TRIM71: variants seen among roughly 807,000 people sequenced by gnomAD.
The protein encoded by TRIM71 is E3 ubiquitin-protein ligase TRIM71.
TRIM71 carries 9 observed loss-of-function variants against 61.2 expected under a neutral mutation model. The ratio of observed to expected loss-of-function variants is 0.15; its 90% CI spans 0.09 to 0.26. The LOEUF (loss-of-function observed/expected upper bound fraction) is 0.26, where lower values mean the gene tolerates loss of function less well. Among genes scored for constraint, TRIM71 ranks in the 10% least tolerant of loss-of-function variants. TRIM71 has a pLI of 1.00. For missense variants in TRIM71, 998 were observed against 1,238.7 expected (o/e 0.81, Z 2.92); for synonymous variants, 645 against 553.2 (o/e 1.17, Z -2.33).
intron 2 of TRIM71, among the ~76,000 whole-genome samples, chr3:32,878,302 A>G (rs1157565840): frequency 1.3e-5 from 2 of 152,210 alleles, no homozygotes; most frequent in Non-Finnish European, 2.9e-5. Context: ...AGGTCTGAAC[A>G]GTGGGTTTAA....
At chr3:32,858,309 G>A (rs574133945) in intron 1 of TRIM71, among the ~76,000 whole-genome samples, 4 of 152,308 alleles carry the variant, frequency 2.6e-5, no homozygotes, top group African/African-American at 9.6e-5. Flanking sequence ...CCTAGACATC[G>A]TGAGCAAACC....
chr3:32,819,892 G>A (rs1234863850), intron 1 of TRIM71, among the ~76,000 whole-genome samples: 1 of 152,226 alleles, frequency 6.6e-6, no homozygotes, highest in African/African-American at 2.4e-5. Flanking sequence ...AGGCTTTTAG[G>A]GCTACATTGC....
chr3:32,825,901 A>G (rs1433615228), intron 1 of TRIM71, among the ~76,000 whole-genome samples: 3 of 152,086 alleles, frequency 2.0e-5, no homozygotes, highest in African/African-American at 4.8e-5. Flanking sequence ...GGTTTTGTCT[A>G]TACTCACAAA....
At chr3:32,851,603 C>T (rs558376941) in intron 1 of TRIM71, among the ~76,000 whole-genome samples, 3 of 152,168 alleles carry the variant, frequency 2.0e-5, no homozygotes, top group East Asian at 1.9e-4. Context: ...CTCAGCCTCC[C>T]GAGTAGCTGG....
At chr3:32,865,374 T>A (rs1467137103) in intron 1 of TRIM71, among the ~76,000 whole-genome samples, 1 of 151,856 alleles carries the variant, frequency 6.6e-6, no homozygotes, top group African/African-American at 2.4e-5. Context: ...AAAAACCCAC[T>A]GTTGCAGCCT....
chr3:32,882,436 T>C (rs972594085), intron 2 of TRIM71, among the ~76,000 whole-genome samples: 1 of 152,168 alleles, frequency 6.6e-6, no homozygotes, highest in Non-Finnish European at 1.5e-5. Context: ...GCTCTAACCC[T>C]GTCACACTCT....
chr3:32,858,446 C>G (rs893615785), intron 1 of TRIM71, among the ~76,000 whole-genome samples: 3 of 152,198 alleles, frequency 2.0e-5, no homozygotes, highest in Non-Finnish European at 4.4e-5. Context: ...ACACAGCACA[C>G]TTGACTATGA....
At chr3:32,832,295 C>A (rs999799691) in intron 1 of TRIM71, among the ~76,000 whole-genome samples, 3 of 152,162 alleles carry the variant, frequency 2.0e-5, no homozygotes, top group Non-Finnish European at 4.4e-5. Context: ...AAGCAAGACC[C>A]TGTCCGTACA....
At position 32,873,771 on chromosome 3, in the gene TRIM71, T is replaced by G. The variant is rs749298705; in HGVS notation, c.853-47T>G. ...CTCCAGTTGCTGTCTTCCCTCCTCC[T>G]CCCGTCCTGCATCTCCATTTATGCC... On this transcript the variant is annotated intron_variant, in intron 1 of 3. Transcript: ENST00000383763. The G allele has an allele frequency of 2.8e-6, 4 of 1,423,694 alleles. No homozygotes were observed. In the East Asian group the frequency reaches 9.9e-5, roughly 35 times the overall value. The allele number at this position is 1,423,694 out of a possible 1,614,324, so 88.2% of individuals were successfully genotyped here. A position where few individuals can be genotyped will look rare whatever the true frequency, so the allele number is the denominator to read the frequency against.
At chr3:32,833,635 T>TTTA (rs1448027193) in intron 1 of TRIM71, among the ~76,000 whole-genome samples, 1 of 62,780 alleles carries the variant, frequency 1.6e-5, no homozygotes, top group African/African-American at 1.0e-4. Context: ...AGAATGCTTT[T>TTTA]TTATTTATTT....
chr3:32,839,297 C>T (rs539578557), intron 1 of TRIM71, among the ~76,000 whole-genome samples: 62 of 152,014 alleles, frequency 4.1e-4, no homozygotes, highest in African/African-American at 1.4e-3. Context: ...GTGGCATCAT[C>T]TCGGCTCACT....
At chr3:32,883,652 G>A (rs1192251182) in intron 2 of TRIM71, among the ~76,000 whole-genome samples, 1 of 152,122 alleles carries the variant, frequency 6.6e-6, no homozygotes, top group East Asian at 1.9e-4. Flanking sequence ...TCACATCCTG[G>A]CCCACATTTA....
chr3:32,863,274 A>T (rs1401441153), intron 1 of TRIM71, among the ~76,000 whole-genome samples: 2 of 138,488 alleles, frequency 1.4e-5, no homozygotes, highest in African/African-American at 5.5e-5. Flanking sequence ...GGTGGTGCAT[A>T]CATGGCTCAC....
At chr3:32,873,713 G>A (rs1696822180) in intron 1 of TRIM71, 105 bp from the exon 2 acceptor site, 4 of 1,105,406 alleles carry the variant, frequency 3.6e-6, no homozygotes, top group East Asian at 2.6e-5. Flanking sequence ...GCTCATTGGG[G>A]AAGCTGGTCG....
chr3:32,861,043 C>T (rs567362485), intron 1 of TRIM71, among the ~76,000 whole-genome samples: 36 of 151,844 alleles, frequency 2.4e-4, no homozygotes, highest in Non-Finnish European at 3.5e-4. Flanking sequence ...GGTGTTGTGG[C>T]ACGTGCCTGT....
chr3:32,824,314 A>G (rs1040095437), intron 1 of TRIM71, among the ~76,000 whole-genome samples: 1 of 150,282 alleles, frequency 6.7e-6, no homozygotes, highest in Non-Finnish European at 1.5e-5. Flanking sequence ...AGTAACGGGG[A>G]TTACAGGCGC....
At chr3:32,823,708 G>A (rs372951530) in intron 1 of TRIM71, among the ~76,000 whole-genome samples, 5 of 151,684 alleles carry the variant, frequency 3.3e-5, no homozygotes, top group East Asian at 1.9e-4. Context: ...AGCCGAGGGT[G>A]CAGTGAGCCG....
intron 1 of TRIM71, among the ~76,000 whole-genome samples, chr3:32,867,177 C>G (rs79502049): frequency 2.0e-5 from 3 of 151,948 alleles, no homozygotes; most frequent in Non-Finnish European, 4.4e-5. Context: ...TACCACCCCC[C>G]TCCCCCTCCT....
At chr3:32,842,086 C>G (rs941349407) in intron 1 of TRIM71, among the ~76,000 whole-genome samples, 1 of 152,162 alleles carries the variant, frequency 6.6e-6, no homozygotes, top group Non-Finnish European at 1.5e-5. Flanking sequence ...CACAGCTCAG[C>G]AGGGAGAGAA....
Sources: gnomAD v4.1 joint callset for allele counts (sites outside exome capture counted in the v4.1 genomes callset) on GRCh38, gnomAD v4.1.1 for gene constraint, MANE v1.5 for transcripts, NCBI Gene and HGNC (gene_info 2026-07-23, HGNC 2026-07-21) for gene names.